Variants in CSMD1 observed in about 807,000 individuals in gnomAD.
The protein encoded by CSMD1 is CUB and sushi domain-containing protein 1.
A neutral mutation model predicts 417.5 loss-of-function variants in CSMD1; 213 were observed. The ratio of observed to expected loss-of-function variants is 0.51; its 90% confidence interval spans 0.46 to 0.57. The LOEUF is 0.57. Ranked by LOEUF, CSMD1 falls within the 20% of genes least tolerant of loss-of-function variation. CSMD1 has a pLI of 0.00. For missense variants in CSMD1, 6,923 were observed against 4,529.7 expected, an observed-to-expected ratio of 1.53 and a Z score of -15.17; for synonymous variants, 2,862 against 1,736.8, an observed-to-expected ratio of 1.65 and a Z score of -16.11.
At chr8:3,726,584 C>G (rs1032062449) in intron 6 of CSMD1, among the ~76,000 whole-genome samples, 1 of 152,170 alleles carries the variant, frequency 6.6e-6, no homozygotes, top group East Asian at 1.9e-4. Flanking sequence ...AGCAGGAAAT[C>G]TGGATATTCA....
intron 1 of CSMD1, among the ~76,000 whole-genome samples, chr8:4,823,909 GAAGA>G (rs1799660799): frequency 6.6e-6 from 1 of 151,954 alleles, no homozygotes; most frequent in Non-Finnish European, 1.5e-5. Context: ...CTTAACAAGA[GAAGA>G]AAGAGGAAAG....
chr8:4,026,653 C>G (rs543383605), intron 4 of CSMD1, among the ~76,000 whole-genome samples: 1 of 152,280 alleles, frequency 6.6e-6, no homozygotes, highest in South Asian at 2.1e-4. Flanking sequence ...AAGCTAACAC[C>G]ATTAAGATAT....
intron 1 of CSMD1, among the ~76,000 whole-genome samples, chr8:4,802,696 GT>G (rs1484936143): frequency 3.9e-5 from 6 of 151,992 alleles, no homozygotes; most frequent in Non-Finnish European, 8.8e-5. Flanking sequence ...GAAAGGCTTT[GT>G]TTTCTTGTTT....
chr8:4,830,001 C>G (rs1177496039), intron 1 of CSMD1, among the ~76,000 whole-genome samples: 1 of 152,194 alleles, frequency 6.6e-6, no homozygotes, highest in Non-Finnish European at 1.5e-5. Flanking sequence ...TTTCCGTGCT[C>G]TCGTGATGAA....
chr8:2,977,032 A>C (rs540933058), intron 55 of CSMD1, among the ~76,000 whole-genome samples: 1 of 151,958 alleles, frequency 6.6e-6, no homozygotes, highest in South Asian at 2.1e-4. Flanking sequence ...GCCAATTACT[A>C]TCAGGATATG....
chr8:3,744,437 A>AG (rs1449819408), intron 6 of CSMD1, among the ~76,000 whole-genome samples: 9 of 152,236 alleles, frequency 5.9e-5, no homozygotes, highest in African/African-American at 2.2e-4. Context: ...GATTTTAACC[A>AG]GGAAAAAAGT....
chr8:4,478,870 C>A (rs1322055187), intron 2 of CSMD1, among the ~76,000 whole-genome samples: 3 of 152,110 alleles, frequency 2.0e-5, no homozygotes, highest in Non-Finnish European at 4.4e-5. Context: ...GAAAACAGGG[C>A]TAGACTTAAA....
chr8:4,011,494 C>G (rs1816530662), intron 4 of CSMD1, among the ~76,000 whole-genome samples: 1 of 152,068 alleles, frequency 6.6e-6, no homozygotes, highest in Non-Finnish European at 1.5e-5. Flanking sequence ...TCTCTTGAAC[C>G]CACTTGAGTC....
intron 2 of CSMD1, among the ~76,000 whole-genome samples, chr8:4,629,280 C>G (rs1802360654): frequency 6.6e-6 from 1 of 152,122 alleles, no homozygotes. Context: ...TAATATCCTA[C>G]CAATAGACAT....
At chr8:4,573,041 C>T (rs1469425346) in intron 2 of CSMD1, among the ~76,000 whole-genome samples, 1 of 152,142 alleles carries the variant, frequency 6.6e-6, no homozygotes, top group Non-Finnish European at 1.5e-5. Context: ...AGGTTCTTAT[C>T]TTCCTTGTAT....
intron 17 of CSMD1, 57 bp downstream of exon 17, chr8:3,396,137 C>G (rs1811683744): frequency 6.9e-7 from 1 of 1,444,108 alleles, no homozygotes; most frequent in Non-Finnish European, 9.5e-7. Context: ...GAACCCAGAT[C>G]TTTAGTTCTC....
chr8:3,851,118 T>C (rs1171254330), intron 5 of CSMD1, among the ~76,000 whole-genome samples: 1 of 152,244 alleles, frequency 6.6e-6, no homozygotes, highest in African/African-American at 2.4e-5. Flanking sequence ...GATGAATTGT[T>C]TTCCATGTAA....
At chr8:4,963,702 G>C (rs1182875327) in intron 1 of CSMD1, among the ~76,000 whole-genome samples, 1 of 152,140 alleles carries the variant, frequency 6.6e-6, no homozygotes, top group African/African-American at 2.4e-5. Flanking sequence ...GTGTCTAAAA[G>C]CTCTTCTTTG....
intron 10 of CSMD1, among the ~76,000 whole-genome samples, chr8:3,537,438 GAT>G (rs1328821861): frequency 6.6e-6 from 1 of 152,156 alleles, no homozygotes; most frequent in African/African-American, 2.4e-5. Flanking sequence ...TCCAAAAATT[GAT>G]ATGTTAGCTA....
intron 2 of CSMD1, among the ~76,000 whole-genome samples, chr8:4,491,709 T>G (rs762404692): frequency 7.4e-4 from 113 of 152,228 alleles, no homozygotes; most frequent in African/African-American, 2.6e-3. Flanking sequence ...AAATCCAGAA[T>G]GGCAACACAA....
intron 1 of CSMD1, among the ~76,000 whole-genome samples, chr8:4,733,445 C>A (rs531950136): frequency 6.6e-6 from 1 of 152,120 alleles, no homozygotes; most frequent in African/African-American, 2.4e-5. Context: ...AGGTAGGTGT[C>A]GGAGAAGGAG....
chr8:3,851,698 A>G (rs1342775965), intron 5 of CSMD1, among the ~76,000 whole-genome samples: 1 of 152,224 alleles, frequency 6.6e-6, no homozygotes, highest in Non-Finnish European at 1.5e-5. Flanking sequence ...AGAAAAGAGA[A>G]AAAAGCAGAA....
At chr8:4,194,168 C>G (rs550305174) in intron 3 of CSMD1, among the ~76,000 whole-genome samples, 38 of 152,214 alleles carry the variant, frequency 2.5e-4, no homozygotes, top group African/African-American at 8.7e-4. Flanking sequence ...AAATATTGCC[C>G]TATCAAGTCT....
chr8:4,234,291 C>T (rs1175495296), intron 3 of CSMD1, among the ~76,000 whole-genome samples: 1 of 152,118 alleles, frequency 6.6e-6, no homozygotes, highest in African/African-American at 2.4e-5. Context: ...TCTATGGGAC[C>T]CATCCATAGA....
Sources: allele counts gnomAD v4.1 joint callset (sites outside exome capture counted in the v4.1 genomes callset), GRCh38; gene constraint gnomAD v4.1.1; transcripts MANE v1.5; gene names NCBI Gene and HGNC (gene_info 2026-07-23, HGNC 2026-07-21).